LY75: variants seen among roughly 807,000 people sequenced by gnomAD.
The protein encoded by LY75 is lymphocyte antigen 75.
LY75 carries 185 observed loss-of-function variants against 231.7 expected under a neutral mutation model. The ratio of observed to expected loss-of-function variants is 0.80; its 90% CI spans 0.71 to 0.90. The LOEUF (loss-of-function observed/expected upper bound fraction) is 0.90, where lower values mean the gene tolerates loss of function less well. Among genes scored for constraint, LY75 ranks in the 40% least tolerant of loss-of-function variants. The pLI is 0.00. For missense variants in LY75, 1,947 were observed against 2,050.2 expected (o/e 0.95, Z 0.97); for synonymous variants, 668 against 689.0 (o/e 0.97, Z 0.48).
intron 12 of LY75, 123 bp from the exon 13 acceptor site, chr2:159,872,716 A>G: frequency 8.9e-7 from 1 of 1,118,838 alleles, no homozygotes; most frequent in Non-Finnish European, 1.3e-6. Flanking sequence ...TAGTGAAGGC[A>G]TAGGTAAATG....
intron 33 of LY75, among the ~76,000 whole-genome samples, chr2:159,807,509 C>G (rs1422412860): frequency 6.6e-6 from 1 of 152,150 alleles, no homozygotes; most frequent in Non-Finnish European, 1.5e-5. Flanking sequence ...TTCCCCTACT[C>G]TAATTGTAAA....
chr2:159,900,455 C>A (rs1288323299), intron 1 of LY75, among the ~76,000 whole-genome samples: 1 of 152,164 alleles, frequency 6.6e-6, no homozygotes, highest in African/African-American at 2.4e-5. Flanking sequence ...TGTCAGTGAA[C>A]CAGAGTTCAG....
intron 28 of LY75, among the ~76,000 whole-genome samples, chr2:159,821,567 G>A (rs546225363): frequency 1.4e-4 from 20 of 145,086 alleles, no homozygotes; most frequent in African/African-American, 4.8e-4. Flanking sequence ...AGTGAGCCAA[G>A]ATCATGCCAC....
At chr2:159,827,301 T>C (rs1048421221) in intron 28 of LY75, among the ~76,000 whole-genome samples, 2 of 152,086 alleles carry the variant, frequency 1.3e-5, no homozygotes, top group Non-Finnish European at 2.9e-5. Context: ...GGGCAAAGGA[T>C]ATGAACAGAC....
intron 11 of LY75, 113 bp downstream of exon 11, chr2:159,878,211 C>T (rs2292387): frequency 0.18 from 250,694 of 1,407,528 alleles, 24,550 homozygotes; most frequent in East Asian, 0.37. Flanking sequence ...GACTCCAATC[C>T]TGAAGATCAT....
intron 14 of LY75, among the ~76,000 whole-genome samples, chr2:159,861,385 T>C (rs1273337480): frequency 6.6e-6 from 1 of 152,170 alleles, no homozygotes; most frequent in Non-Finnish European, 1.5e-5. Flanking sequence ...AATATATCCT[T>C]ATAATATAAA....
intron 7 of LY75, among the ~76,000 whole-genome samples, chr2:159,881,844 T>C (rs565312270): frequency 6.6e-6 from 1 of 152,300 alleles, no homozygotes; most frequent in East Asian, 1.9e-4. Flanking sequence ...TGGTTGCCAC[T>C]AGGCACATGC....
intron 28 of LY75, among the ~76,000 whole-genome samples, chr2:159,830,481 A>G (rs1055311047): frequency 2.0e-5 from 3 of 151,830 alleles, no homozygotes; most frequent in Non-Finnish European, 4.4e-5. Flanking sequence ...TCTATATTAG[A>G]CTGTTTTAAA....
At chr2:159,869,322 A>C (rs1684943766) in intron 13 of LY75, among the ~76,000 whole-genome samples, 1 of 152,134 alleles carries the variant, frequency 6.6e-6, no homozygotes, top group South Asian at 2.1e-4. Context: ...AAGAAAAAGA[A>C]AGGCCATGGT....
At chr2:159,885,754 T>A (rs925487414) in intron 5 of LY75, among the ~76,000 whole-genome samples, 1 of 152,190 alleles carries the variant, frequency 6.6e-6, no homozygotes, top group African/African-American at 2.4e-5. Context: ...TTAACTAAAG[T>A]GGCTAATTTG....
intron 6 of LY75, 39 bp from the exon 7 acceptor site, chr2:159,882,354 C>T (rs753917624): frequency 1.3e-6 from 2 of 1,586,116 alleles, no homozygotes; most frequent in Non-Finnish European, 1.7e-6. Flanking sequence ...AGTAAAGATA[C>T]ATCTATTGTG....
In LY75 at chr2:159,878,623, A is replaced by T. The variant is rs1685344000; in HGVS notation, c.1604+10T>A. On this transcript the variant is annotated intron_variant, in intron 10 of 34. Transcript: ENST00000263636. ...AAAGTTTATGAGTACAAGTTTACTG[A>T]TGGTCACACCTGCTAGTGATAGTCA... 2.5e-6 allele frequency: 4 copies of T among 1,613,864 alleles called. No individual in the cohort carries two copies. The highest frequency in any genetic ancestry group is 2.5e-6 in the Non-Finnish European group (3 of 1,179,956).
At chr2:159,810,374 C>T in intron 32 of LY75, 152 bp downstream of exon 32, 1 of 1,078,130 alleles carries the variant, frequency 9.3e-7, no homozygotes. Flanking sequence ...TAACCATTTC[C>T]CTACCACTGG....
intron 6 of LY75, among the ~76,000 whole-genome samples, chr2:159,883,799 T>C (rs1294022978): frequency 6.6e-6 from 1 of 152,202 alleles, no homozygotes; most frequent in Non-Finnish European, 1.5e-5. Flanking sequence ...CCTATTATCT[T>C]AAAATATCCC....
chr2:159,873,433 T>C (rs1382094564), intron 12 of LY75, among the ~76,000 whole-genome samples: 2 of 152,120 alleles, frequency 1.3e-5, no homozygotes, highest in Non-Finnish European at 2.9e-5. Flanking sequence ...TGGGCTCCAG[T>C]GATATACCAT....
intron 23 of LY75, among the ~76,000 whole-genome samples, chr2:159,849,024 G>A (rs1196890961): frequency 6.6e-6 from 1 of 152,040 alleles, no homozygotes; most frequent in African/African-American, 2.4e-5. Flanking sequence ...ATGCTTAAAA[G>A]TTTAAACTGT....
At chr2:159,897,172 G>C (rs1685929757) in intron 2 of LY75, among the ~76,000 whole-genome samples, 1 of 152,132 alleles carries the variant, frequency 6.6e-6, no homozygotes, top group Non-Finnish European at 1.5e-5. Context: ...GGGACTGAGG[G>C]AGTTTAAGAT....
intron 12 of LY75, among the ~76,000 whole-genome samples, chr2:159,874,048 CAT>C (rs1685100961): frequency 1.8e-5 from 1 of 56,984 alleles, no homozygotes; most frequent in African/African-American, 5.8e-5. Context: ...TGTAAAAATA[CAT>C]ATAAACGTAT....
rs1322428706 is a variant in LY75, at chr2:159,898,737, G to T, written c.417C>A (p.Val139=). 6.2e-7 allele frequency: 1 copy of T among 1,614,136 alleles called. No individual in the cohort carries two copies. The highest frequency in any genetic ancestry group is 8.5e-7 in the Non-Finnish European group (1 of 1,179,984). ...TTTCCTCTGAGCCTCCTTTCTTCCA[G>T]ACATCAGATGCATTTGAGATTGCTG... ...HGTAISNASD[V]WKKGGSEESL... Residue 139 remains valine, a synonymous_variant, in exon 2 of 35, where the codon GTC becomes GTA. Coordinates refer to ENST00000263636, the MANE Select transcript of LY75 (RefSeq NM_002349.4).
Sources: gnomAD v4.1 joint callset for allele counts (sites outside exome capture counted in the v4.1 genomes callset) on GRCh38, gnomAD v4.1.1 for gene constraint, MANE v1.5 for transcripts, NCBI Gene and HGNC (gene_info 2026-07-23, HGNC 2026-07-21) for gene names.